The following ZNF473 variants were observed in gnomAD, a reference collection of about 807,000 sequenced individuals.
The protein encoded by ZNF473 is zinc finger protein 473.
A neutral mutation model predicts 11.1 loss-of-function variants in ZNF473; 4 were observed. The observed-to-expected ratio is 0.36, with a 90% CI of 0.18 to 0.82. The LOEUF (loss-of-function observed/expected upper bound fraction) is 0.82. Among genes scored for constraint, ZNF473 ranks in the 40% least tolerant of loss-of-function variants. The pLI, the probability that ZNF473 is intolerant of heterozygous loss-of-function variation, is 0.49. For missense variants in ZNF473, 854 were observed against 1,084.0 expected, an observed-to-expected ratio of 0.79 and a Z score of 2.98; for synonymous variants, 404 against 390.4, an observed-to-expected ratio of 1.03 and a Z score of -0.41.
intron 3 of ZNF473, 96 bp from the exon 4 acceptor site, chr19:50,041,634 A>T: frequency 9.3e-7 from 1 of 1,077,898 alleles, no homozygotes; most frequent in South Asian, 1.6e-5. Context: ...TGCAGGATAA[A>T]GCATAGAAAA....
chr19:50,039,275 C>T lies in ZNF473; in HGVS notation c.124C>T (p.Leu42Phe). The change falls in exon 3 of 5, where the codon CTC becomes TTC. Residue 42 changes from leucine (L) to phenylalanine (F), a missense_variant. Around this residue, in one of 2 missense-constraint regions of ZNF473, gnomAD observed 668 missense variants for 790.2 expected, o/e 0.85. Transcript: ENST00000270617. The surrounding 1 kb of genome is among the most constrained non-coding windows in gnomAD (Gnocchi z 4.8). ...WDTALDNCQD[L>F]FLLDPPRPNL... ...CACAGCGTTGGACAATTGCCAGGAC[C>T]TCTTCCTGCTGGGTGAGTGTTGCCT... 6.2e-7 allele frequency: 1 copy of T among 1,614,088 alleles called. No homozygotes were observed. The highest frequency in any genetic ancestry group is 8.5e-7 in the Non-Finnish European group (1 of 1,179,960).
Position 50,045,208 on chromosome 19 carries a change from T to C in ZNF473, c.765T>C (p.Tyr255=). Residue 255 remains tyrosine (Y), a synonymous_variant, in exon 5 of 5, where the codon TAT becomes TAC. Transcript: ENST00000270617. ...GFDRNASLSV[Y]PKTHTGYKFY... is the part of the protein sequence containing the mutation. ...ACCGGAATGCTTCCCTTTCTGTGTA[T>C]CCGAAAACTCACACGGGCTACAAAT... The C allele has an allele frequency of 6.2e-7, 1 of 1,614,172 alleles. No homozygotes were observed.
In ZNF473 at chr19:50,045,584, G is replaced by C; in HGVS notation, c.1141G>C (p.Gly381Arg). 6.2e-7 allele frequency: 1 copy of C among 1,614,148 alleles called. No homozygotes were observed. The highest frequency in any genetic ancestry group is 8.5e-7 in the Non-Finnish European group (1 of 1,180,012). The change falls in exon 5 of 5, where the codon GGG (glycine) becomes CGG (arginine). Residue 381 changes from glycine (G) to arginine (R), a missense_variant. Coordinates refer to ENST00000270617, the MANE Select transcript of ZNF473 (RefSeq NM_015428.4). ...AACTACCTCTGAGTGTCAGGAGTGT[G>C]GGAAGATTTTTAGGCACAGTTCGCT... ...AKTTSECQEC[G>R]KIFRHSSLLI...
Position 50,035,128 on chromosome 19 carries a change from C to T in ZNF473, c.10-4033C>T, listed in dbSNP as rs530013447. On this transcript the variant is annotated intron_variant, in intron 2 of 4. Transcript: ENST00000270617. Reference sequence around the variant, plus strand: ...GCAACGTGGTGAAACCCCATCTCTACAAAAAATTTAAAAATTAGCCAGGTG... The same window carrying T: ...GCAACGTGGTGAAACCCCATCTCTATAAAAAATTTAAAAATTAGCCAGGTG... 2.3e-3 allele frequency among the ~76,000 whole-genome samples: 348 copies of T among 152,082 alleles called. 1 individual carries two copies. Among genetic ancestry groups the T allele is most frequent in the African/African-American group, 8.1e-3 (338 of 41,478 alleles).
chr19:50,031,111 G>T lies in ZNF473; in HGVS notation c.9+20G>T. The T allele has an allele frequency of 1.3e-6, 2 of 1,563,318 alleles. No individual in the cohort carries two copies. The highest frequency in any genetic ancestry group is 1.7e-6 in the Non-Finnish European group (2 of 1,153,100). On this transcript the variant is annotated intron_variant, in intron 2 of 4. Transcript: ENST00000270617. ...GCTGAGGTGAGTTGAAGGTCGCTCT[G>T]TCCTAATCGGTCACACCCAAAGGCA...
At chr19:50,029,337 G>A (rs1369313945) in intron 1 of ZNF473, among the ~76,000 whole-genome samples, 9 of 152,130 alleles carry the variant, frequency 5.9e-5, no homozygotes, top group Admixed American at 2.0e-4. Flanking sequence ...TAGTAGAGAC[G>A]GGGTTTCACC....
In ZNF473 at chr19:50,046,448, G is replaced by A. The variant is rs867431208; in HGVS notation, c.2005G>A (p.Ala669Thr). Residue 669 changes from alanine (A) to threonine (T), a missense_variant, in exon 5 of 5, where the codon GCT becomes ACT. Physicochemically the swap from Ala to Thr is moderately conservative, Grantham distance 58 (BLOSUM62 0). This residue lies in a region of ZNF473 where 186 missense variants were observed against 293.8 expected (regional missense o/e 0.63). Transcript: ENST00000270617. This position sits in a 1 kb window ranked among gnomAD's most constrained non-coding sequence, Gnocchi z 5.9. ...AHLSKHQLIH[A>T]GENPFKCSKC... ...CCTCTCAAAACATCAGTTAATTCACGCTGGAGAGAATCCCTTTAAATGTAG... is the reference window on the plus strand; with the variant it reads ...CCTCTCAAAACATCAGTTAATTCACACTGGAGAGAATCCCTTTAAATGTAG... 15 of 1,614,200 alleles carry A rather than the reference G, an allele frequency of 9.3e-6. No homozygotes were observed. The East Asian group carries it at 1.8e-4, about 19-fold the overall frequency.
rs769052166 is a variant in ZNF473 at position 50,039,820 on chromosome 19, G to T, written c.136+533G>T. 7.9e-5 allele frequency among the ~76,000 whole-genome samples: 12 copies of T among 152,170 alleles called. No individual in the cohort carries two copies. The highest frequency in any genetic ancestry group is 1.5e-4 in the Non-Finnish European group (10 of 68,042). On this transcript the variant is annotated intron_variant, in intron 3 of 4. Coordinates refer to ENST00000270617, the MANE Select transcript of ZNF473 (RefSeq NM_015428.4). The surrounding 1 kb of genome is among the most constrained non-coding windows in gnomAD (Gnocchi z 4.8). Reference sequence around the variant, plus strand: ...CTCATCTTGTCTGTCGCTCCCTCACGTTCTAACTACCATTGTATCATTCAG... The same window carrying T: ...CTCATCTTGTCTGTCGCTCCCTCACTTTCTAACTACCATTGTATCATTCAG...
Position 50,045,530 on chromosome 19 carries a change from A to G in ZNF473, c.1087A>G (p.Ile363Val), listed in dbSNP as rs1979042492. 6.2e-7 allele frequency: 1 copy of G among 1,614,064 alleles called. No homozygotes were observed. Among genetic ancestry groups the G allele is most frequent in the Admixed American group, 1.7e-5 (1 of 59,988 alleles). ...GACCTTCAACTTGAGAAAACACCTC[A>G]TCCAACATCAGAAAACTCACGCTGC... ...QATFNLRKHL[I>V]QHQKTHAAKT... is the part of the protein sequence containing the mutation. Residue 363 changes from isoleucine to valine, a missense_variant, in exon 5 of 5, where the codon ATC (isoleucine) becomes GTC (valine). Ile to Val is a conservative substitution (Grantham distance 29). Around this residue, in one of 2 missense-constraint regions of ZNF473, gnomAD observed 668 missense variants for 790.2 expected, o/e 0.85. Transcript: ENST00000270617.
Position 50,039,196 on chromosome 19 carries a change from C to T in ZNF473, c.45C>T (p.Phe15=), listed in dbSNP as rs763455848. 11 of 1,614,180 alleles carry T rather than the reference C, an allele frequency of 6.8e-6. 1 individual carries two copies. In the South Asian group the frequency reaches 1.1e-4, roughly 16 times the overall value. ...FVTLKDVGMD[F]TLGDWEQLGL... is the part of the protein sequence containing the mutation. Reference sequence around the variant, plus strand: ...CCCTCAAGGATGTCGGCATGGACTTCACCTTGGGAGACTGGGAGCAGCTCG... The same window carrying T: ...CCCTCAAGGATGTCGGCATGGACTTTACCTTGGGAGACTGGGAGCAGCTCG... The change falls in exon 3 of 5, where the codon TTC becomes TTT. Residue 15 remains phenylalanine, a synonymous_variant. Transcript: ENST00000270617. This position sits in a 1 kb window ranked among gnomAD's most constrained non-coding sequence, Gnocchi z 4.8.
rs959427288 is a variant in ZNF473, at chr19:50,044,997, A to G, written c.554A>G (p.Glu185Gly). 1.2e-6 allele frequency: 2 copies of G among 1,614,214 alleles called. No homozygotes were observed. Among genetic ancestry groups the G allele is most frequent in the Non-Finnish European group, 1.7e-6 (2 of 1,180,054 alleles). ...EKTLTPAKSKEYRGEFFSYSD... is the reference protein window; with the variant it reads ...EKTLTPAKSKGYRGEFFSYSD... ...ACCCTCACACCAGCTAAGTCTAAGG[A>G]ATATAGGGGTGAGTTTTTCTCCTAC... The change falls in exon 5 of 5, where the codon GAA becomes GGA. Residue 185 changes from glutamate to glycine, a missense_variant. This residue lies in a region of ZNF473 where 668 missense variants were observed against 790.2 expected (regional missense o/e 0.85). Coordinates refer to ENST00000270617, the MANE Select transcript of ZNF473 (RefSeq NM_015428.4).
rs1389548740 is a variant in ZNF473 at position 50,030,847 on chromosome 19, G to A, written c.-191-45G>A. The A allele has an allele frequency of 1.5e-5, 9 of 602,678 alleles. No individual in the cohort carries two copies. The Admixed American group carries it at 2.5e-4, about 17-fold the overall frequency. The allele number at this position is 602,678 out of a possible 1,614,324, so 37.3% of individuals were successfully genotyped here. A position where few individuals can be genotyped will look rare whatever the true frequency, so the allele number is the denominator to read the frequency against. ...GTTCTGAAGCACAGTGCAAATGTGG[G>A]GCTGAGGTGGCTTCAGTAAATATAG... On this transcript the variant is annotated intron_variant, in intron 1 of 4. Coordinates refer to ENST00000270617, the MANE Select transcript of ZNF473 (RefSeq NM_015428.4).
Position 50,041,831 on chromosome 19 carries a change from G to A in ZNF473, c.226+12G>A. Reference sequence around the variant, plus strand: ...AGCAACAAGCCCTGGTGAGTGGATGGAGAGGGGCCCCTTGTGTACCTTCTG... The same window carrying A: ...AGCAACAAGCCCTGGTGAGTGGATGAAGAGGGGCCCCTTGTGTACCTTCTG... On this transcript the variant is annotated intron_variant, in intron 4 of 4. Coordinates refer to ENST00000270617, the MANE Select transcript of ZNF473 (RefSeq NM_015428.4). The A allele has an allele frequency of 6.2e-7, 1 of 1,602,700 alleles. No individual in the cohort carries two copies. Among genetic ancestry groups the A allele is most frequent in the Non-Finnish European group, 8.5e-7 (1 of 1,175,204 alleles).
Position 50,048,765 on chromosome 19 carries a change from T to A in ZNF473, c.*1706T>A, listed in dbSNP as rs1404558793. The A allele has an allele frequency of 6.6e-6, 1 of 152,316 alleles. No individual in the cohort carries two copies. Among genetic ancestry groups the A allele is most frequent in the Non-Finnish European group, 1.5e-5 (1 of 68,078 alleles). The allele number at this position is 152,316 out of a possible 1,614,324, so 9.4% of individuals were successfully genotyped here. The stretch of plus-strand genomic sequence containing the variant: ...ATTTGTTGGTTCTCTGATTAAAGTT[T>A]TGAGTCTAAAAGCATTGGTTCCTTC... On this transcript the variant is annotated 3_prime_UTR_variant, in exon 5 of 5. Transcript: ENST00000270617.
Position 50,045,416 on chromosome 19 carries a change from T to C in ZNF473, c.973T>C (p.Cys325Arg), listed in dbSNP as rs1395703353. 2.5e-6 allele frequency: 4 copies of C among 1,614,164 alleles called. No individual in the cohort carries two copies. The highest frequency in any genetic ancestry group is 3.3e-4 in the Middle Eastern group (2 of 6,062). ...TAGTAAGTCCTACAACTGTAACGAATGCGGCAAGGCTTTTACCCGGATCTT... is the reference window on the plus strand; with the variant it reads ...TAGTAAGTCCTACAACTGTAACGAACGCGGCAAGGCTTTTACCCGGATCTT... ...TDSKSYNCNE[C>R]GKAFTRIFHL... is the part of the protein sequence containing the mutation. The change falls in exon 5 of 5, where the codon TGC becomes CGC. Residue 325 changes from cysteine (C) to arginine (R), a missense_variant. Coordinates refer to ENST00000270617, the MANE Select transcript of ZNF473 (RefSeq NM_015428.4).
chr19:50,029,617 G>A (rs1167899749), intron 1 of ZNF473, among the ~76,000 whole-genome samples: 1 of 152,254 alleles, frequency 6.6e-6, no homozygotes, highest in Non-Finnish European at 1.5e-5. Flanking sequence ...GCACTCCGCA[G>A]ATATGTGCTA....
intron 2 of ZNF473, among the ~76,000 whole-genome samples, chr19:50,037,828 C>CTCTG (rs140481100): frequency 0.052 from 7,900 of 151,706 alleles, 678 homozygotes; most frequent in African/African-American, 0.18. Context: ...CGCTCGCTCT[C>CTCTG]TCTCTCTGTA....
At position 50,041,811 on chromosome 19, in the gene ZNF473, C is replaced by G. The variant is rs944080625; in HGVS notation, c.218C>G (p.Thr73Arg). 6.2e-7 allele frequency: 1 copy of G among 1,612,424 alleles called. No individual in the cohort carries two copies. Among genetic ancestry groups the G allele is most frequent in the South Asian group, 1.1e-5 (1 of 90,936 alleles). ...CTGGCAGGAGGAAGCCCAGAAGCAA[C>G]AAGCCCTGGTGAGTGGATGGAGAGG... ...EPLAGGSPEA[T>R]SPDVTETKNS... The change falls in exon 4 of 5, where the codon ACA becomes AGA. Residue 73 changes from threonine to arginine, a missense_variant. Physicochemically the swap from Thr to Arg is moderately conservative, Grantham distance 71 (BLOSUM62 -1). Coordinates refer to ENST00000270617, the MANE Select transcript of ZNF473 (RefSeq NM_015428.4).
rs749031177 is a variant in ZNF473, at chr19:50,046,313, C to G, written c.1870C>G (p.Gln624Glu). 13 of 1,614,000 alleles carry G rather than the reference C, an allele frequency of 8.1e-6. No homozygotes were observed. Among genetic ancestry groups the G allele is most frequent in the Non-Finnish European group, 1.0e-5 (12 of 1,180,024 alleles). The change falls in exon 5 of 5, where the codon CAA (glutamine) becomes GAA (glutamate). Residue 624 changes from glutamine (Q) to glutamate (E), a missense_variant. Transcript: ENST00000270617. This position sits in a 1 kb window ranked among gnomAD's most constrained non-coding sequence, Gnocchi z 5.9. ...AGTGAGGCTGTATAAATGGGGTGAG[C>G]AAGGGAAAGCCATCAGCAGTGCCTC... The part of the protein sequence containing the change: ...SRVRLYKWGE[Q>E]GKAISSASLI...
Sources: gnomAD v4.1 joint callset for allele counts (sites outside exome capture counted in the v4.1 genomes callset) on GRCh38, gnomAD v4.1.1 for gene constraint, gnomAD v4.1.1 regional missense constraint, Gnocchi (gnomAD v3.1) non-coding constraint, MANE v1.5 for transcripts, NCBI Gene and HGNC (gene_info 2026-07-23, HGNC 2026-07-21) for gene names.